The following SLC9A2 variants were observed in gnomAD, a reference collection of about 807,000 sequenced individuals.
SLC9A2 encodes the protein solute carrier family 9 member A2.
A neutral mutation model predicts 71.7 loss-of-function variants in SLC9A2; 42 were observed. The observed-to-expected ratio is 0.59, with a 90% CI of 0.46 to 0.76. SLC9A2 has a LOEUF of 0.76. SLC9A2 is among the 30% of genes least tolerant of loss of function. SLC9A2 has a pLI of 0.00. For missense variants in SLC9A2, 829 were observed against 1,017.4 expected, an observed-to-expected ratio of 0.81 and a Z score of 2.52; for synonymous variants, 396 against 392.5, an observed-to-expected ratio of 1.01 and a Z score of -0.10.
In SLC9A2 at chr2:102,627,231, T is replaced by G. The variant is rs560809999; in HGVS notation, c.289+7094T>G. 2.2e-3 allele frequency among the ~76,000 whole-genome samples: 329 copies of G among 152,270 alleles called. 6 individuals are homozygous for G. Among genetic ancestry groups the G allele is most frequent in the African/African-American group, 7.5e-3 (311 of 41,558 alleles). On this transcript the variant is annotated intron_variant, in intron 1 of 11. Transcript: ENST00000233969. ...TCAGGAGCTAGTCAGGAGGATCACT[T>G]GAGCTCAGGAGTTCAAAGTTACAGT...
chr2:102,703,978 G>A (rs752001777), intron 9 of SLC9A2, among the ~76,000 whole-genome samples: 1 of 152,142 alleles, frequency 6.6e-6, no homozygotes, highest in African/African-American at 2.4e-5. Context: ...TGTTTTTAAT[G>A]TCAGTAATTC....
intron 1 of SLC9A2, among the ~76,000 whole-genome samples, chr2:102,633,938 C>A (rs78990270): frequency 2.6e-4 from 40 of 152,168 alleles, no homozygotes; most frequent in African/African-American, 8.4e-4. Context: ...TGCAAACAGG[C>A]ACATATAGAA....
At chr2:102,658,061 G>A in intron 2 of SLC9A2, 34 bp downstream of exon 2, 2 of 1,528,074 alleles carry the variant, frequency 1.3e-6, no homozygotes, top group Non-Finnish European at 1.8e-6. Context: ...ACTCCAACAG[G>A]TGGGGGCTGC....
chr2:102,702,573 T>C, intron 9 of SLC9A2, 71 bp downstream of exon 9: 1 of 881,556 alleles, frequency 1.1e-6, no homozygotes, highest in Non-Finnish European at 1.8e-6. Flanking sequence ...TTTTGTGCTG[T>C]AACTGGAGGC....
At chr2:102,639,637 C>G (rs930416704) in intron 1 of SLC9A2, among the ~76,000 whole-genome samples, 15 of 152,200 alleles carry the variant, frequency 9.9e-5, no homozygotes, top group Non-Finnish European at 1.9e-4. Context: ...ACTACTACCT[C>G]CATCAATCTT....
intron 3 of SLC9A2, among the ~76,000 whole-genome samples, chr2:102,672,756 G>A (rs567261160): frequency 1.1e-3 from 163 of 152,154 alleles, no homozygotes; most frequent in Admixed American, 5.9e-4. Flanking sequence ...AATGAGCAGC[G>A]TACTTTAAAA....
At chr2:102,688,979 T>C (rs1677608712) in intron 5 of SLC9A2, among the ~76,000 whole-genome samples, 2 of 152,232 alleles carry the variant, frequency 1.3e-5, no homozygotes, top group Non-Finnish European at 2.9e-5. Context: ...ACATTAGTGA[T>C]GTAACTTAGG....
chr2:102,677,011 G>T (rs1677356643), intron 3 of SLC9A2, among the ~76,000 whole-genome samples: 1 of 152,162 alleles, frequency 6.6e-6, no homozygotes, highest in Non-Finnish European at 1.5e-5. Flanking sequence ...AGTTCAGATT[G>T]TAGATAAAGC....
chr2:102,672,343 T>C (rs1336864664), intron 3 of SLC9A2, among the ~76,000 whole-genome samples: 1 of 146,356 alleles, frequency 6.8e-6, no homozygotes, highest in East Asian at 2.1e-4. Flanking sequence ...ACAGCTCTGA[T>C]GATTCCTATT....
intron 8 of SLC9A2, among the ~76,000 whole-genome samples, chr2:102,702,137 G>C (rs2104554557): frequency 6.6e-6 from 1 of 152,324 alleles, no homozygotes; most frequent in South Asian, 2.1e-4. Flanking sequence ...AAGTGAGGTA[G>C]CATTATAAGC....
chr2:102,682,692 G>A (rs1203464651), intron 3 of SLC9A2, among the ~76,000 whole-genome samples: 1 of 152,146 alleles, frequency 6.6e-6, no homozygotes, highest in Non-Finnish European at 1.5e-5. Flanking sequence ...ATGAGACTCA[G>A]AACTAAGGAT....
chr2:102,688,761 T>G (rs1404013827), intron 5 of SLC9A2, among the ~76,000 whole-genome samples: 3 of 152,046 alleles, frequency 2.0e-5, no homozygotes, highest in African/African-American at 7.2e-5. Context: ...GAAAGAAAAC[T>G]TGTAACGAAA....
At chr2:102,646,409 A>G (rs1676724313) in intron 1 of SLC9A2, among the ~76,000 whole-genome samples, 3 of 152,198 alleles carry the variant, frequency 2.0e-5, no homozygotes, top group African/African-American at 4.8e-5. Context: ...GTGCAAAATA[A>G]ACAACTAGCA....
intron 2 of SLC9A2, among the ~76,000 whole-genome samples, chr2:102,663,417 T>C (rs370863071): frequency 1.3e-5 from 2 of 152,234 alleles, no homozygotes; most frequent in African/African-American, 2.4e-5. Flanking sequence ...AAGGTGCTAA[T>C]TGATCACAAG....
intron 5 of SLC9A2, among the ~76,000 whole-genome samples, chr2:102,693,685 C>T (rs771584465): frequency 1.3e-5 from 2 of 152,180 alleles, no homozygotes; most frequent in Non-Finnish European, 2.9e-5. Context: ...CTGCTCCAAG[C>T]TTTCCTTGAC....
intron 1 of SLC9A2, among the ~76,000 whole-genome samples, chr2:102,625,346 G>A (rs1381467128): frequency 6.6e-6 from 1 of 152,070 alleles, no homozygotes; most frequent in African/African-American, 2.4e-5. Context: ...TTATACTTAA[G>A]TTCTAGGGTA....
chr2:102,620,760 C>A (rs1676119514), intron 1 of SLC9A2, among the ~76,000 whole-genome samples: 1 of 152,134 alleles, frequency 6.6e-6, no homozygotes, highest in Admixed American at 6.5e-5. Flanking sequence ...TAACTCTGGG[C>A]CCAGGACAAT....
rs755460043 is a variant in SLC9A2 at position 102,702,458 on chromosome 2, A to G, written c.1801A>G (p.Ile601Val). Reference sequence around the variant, plus strand: ...GGTCACGTCCAGTGAAACTGATGAAATTCGAGAACTCTTATCAAGAAATCT... The same window carrying G: ...GGTCACGTCCAGTGAAACTGATGAAGTTCGAGAACTCTTATCAAGAAATCT... The part of the protein sequence containing the change: ...RKVTSSETDE[I>V]RELLSRNLYQ... Residue 601 changes from isoleucine (I) to valine (V), a missense_variant, in exon 9 of 12, where the codon ATT (isoleucine) becomes GTT (valine). Transcript: ENST00000233969. 3.1e-6 allele frequency: 5 copies of G among 1,604,470 alleles called. No individual in the cohort carries two copies. Among genetic ancestry groups the G allele is most frequent in the Non-Finnish European group, 4.3e-6 (5 of 1,175,896 alleles).
rs1678090896 is a variant in SLC9A2, at chr2:102,710,684, T to G, written c.*2195T>G. 6.6e-6 allele frequency: 1 copy of G among 152,306 alleles called. No homozygotes were observed. The highest frequency in any genetic ancestry group is 1.5e-5 in the Non-Finnish European group (1 of 68,042). The allele number at this position is 152,306 out of a possible 1,614,324, so 9.4% of individuals were successfully genotyped here. A position where few individuals can be genotyped will look rare whatever the true frequency, so the allele number is the denominator to read the frequency against. On this transcript the variant is annotated 3_prime_UTR_variant, in exon 12 of 12. Transcript: ENST00000233969. ...TTAGCTTTTTTTCTATACTTTCCTC[T>G]TTTTGTAATTCTTAAATTCTAGTCA...
Sources: allele counts gnomAD v4.1 joint callset (sites outside exome capture counted in the v4.1 genomes callset), GRCh38; gene constraint gnomAD v4.1.1; transcripts MANE v1.5; gene names NCBI Gene and HGNC (gene_info 2026-07-23, HGNC 2026-07-21).